Variants in SUZ12 observed in about 807,000 individuals in gnomAD.
The protein encoded by SUZ12 is SUZ12 polycomb repressive complex 2 subunit.
In SUZ12, 17 loss-of-function variants were observed where a neutral mutation model predicts 87.3. The ratio of observed to expected loss-of-function variants is 0.19; its 90% CI spans 0.13 to 0.29. SUZ12 has a LOEUF of 0.29. Among genes scored for constraint, SUZ12 ranks in the 10% least tolerant of loss-of-function variants. The pLI is 1.00. For missense variants in SUZ12, 526 were observed against 912.2 expected, an observed-to-expected ratio of 0.58 and a Z score of 5.45; for synonymous variants, 253 against 312.4, an observed-to-expected ratio of 0.81 and a Z score of 2.01.
intron 4 of SUZ12, among the ~76,000 whole-genome samples, chr17:31,956,618 A>G (rs1432196475): frequency 6.6e-6 from 1 of 152,208 alleles, no homozygotes; most frequent in Non-Finnish European, 1.5e-5. Context: ...CGGTCACTTC[A>G]GAACCTCGAG....
chr17:31,956,276 C>T (rs749347492), intron 4 of SUZ12, among the ~76,000 whole-genome samples: 2 of 151,832 alleles, frequency 1.3e-5, no homozygotes, highest in Non-Finnish European at 2.9e-5. Context: ...TCACTGCAAC[C>T]TCCGCCTCCT....
chr17:31,940,465 A>C lies in SUZ12; in HGVS notation c.365A>C (p.Asn122Thr). The C allele has an allele frequency of 6.3e-7, 1 of 1,585,908 alleles. No individual in the cohort carries two copies. The highest frequency in any genetic ancestry group is 1.7e-4 in the Middle Eastern group (1 of 5,936). ...HRTLTYMSHR[N>T]SRTNIKRKTF... ...ACTCTTACTTACATGTCTCATCGAA[A>C]CTCCAGAACAAACATCAAAAGGTAC... The change falls in exon 3 of 16, where the codon AAC becomes ACC. Residue 122 changes from asparagine to threonine, a missense_variant. Around this residue, in one of 9 missense-constraint regions of SUZ12, gnomAD observed 49 missense variants for 73.2 expected, o/e 0.67. Coordinates refer to ENST00000322652, the MANE Select transcript of SUZ12 (RefSeq NM_015355.4).
chr17:31,948,396 T>G (rs1171661232), intron 4 of SUZ12, among the ~76,000 whole-genome samples: 1 of 152,176 alleles, frequency 6.6e-6, no homozygotes, highest in Non-Finnish European at 1.5e-5. Flanking sequence ...TTGGGTGGTG[T>G]TTGTTCATTC....
intron 10 of SUZ12, among the ~76,000 whole-genome samples, chr17:31,989,074 A>G (rs1012523922): frequency 5.9e-5 from 9 of 151,904 alleles, no homozygotes; most frequent in African/African-American, 2.2e-4. Flanking sequence ...TCTCAAAAAA[A>G]ATAAATAAAA....
chr17:31,938,612 G>A lies in SUZ12; in HGVS notation c.274+1092G>A, dbSNP rs957702230. 3.9e-5 allele frequency among the ~76,000 whole-genome samples: 6 copies of A among 152,146 alleles called. No homozygotes were observed. In the East Asian group the frequency reaches 7.7e-4, roughly 19 times the overall value. ...CTTCAGAGAGATTCACATTATTCAC[G>A]TATTTCTTAGTATACTTTGAAATAT... On this transcript the variant is annotated intron_variant, in intron 1 of 15. Transcript: ENST00000322652.
At chr17:31,985,060 G>A (rs1909329898) in intron 9 of SUZ12, among the ~76,000 whole-genome samples, 1 of 151,312 alleles carries the variant, frequency 6.6e-6, no homozygotes, top group Admixed American at 6.6e-5. Flanking sequence ...GTACTTGGGA[G>A]GTTTAGGAGT....
chr17:31,938,532 A>G (rs1202749342), intron 1 of SUZ12, among the ~76,000 whole-genome samples: 4 of 152,174 alleles, frequency 2.6e-5, no homozygotes, highest in Non-Finnish European at 1.5e-5. Flanking sequence ...ATGAAATTCT[A>G]ATTGGAACTT....
chr17:31,951,552 A>G (rs62062422), intron 4 of SUZ12, among the ~76,000 whole-genome samples: 2 of 142,230 alleles, frequency 1.4e-5, no homozygotes, highest in Admixed American at 1.5e-4. Context: ...GCGCCATCTC[A>G]GCTCACTGCA....
chr17:31,942,196 ATTTACTAAAGG>A (rs1055738854), intron 3 of SUZ12, among the ~76,000 whole-genome samples: 1 of 151,844 alleles, frequency 6.6e-6, no homozygotes, highest in African/African-American at 2.4e-5. Context: ...GGATTTAAAT[ATTTACTAAAGG>A]GCTCAGGGTA....
chr17:31,981,997 A>T (rs560718246), intron 8 of SUZ12, among the ~76,000 whole-genome samples: 8 of 152,332 alleles, frequency 5.3e-5, no homozygotes, highest in Middle Eastern at 3.4e-3. Flanking sequence ...TTCTTGATAT[A>T]TACAGTTAAT....
rs142041497 is a variant in SUZ12 at position 31,958,968 on chromosome 17, A to G, written c.456-7179A>G. ...AGGAGGTGGAGGTTGCAGTGAGCAG[A>G]TATCGCACCACTGCACTCCAGCCTG... On this transcript the variant is annotated intron_variant, in intron 4 of 15. Coordinates refer to ENST00000322652, the MANE Select transcript of SUZ12 (RefSeq NM_015355.4). 5.2e-3 allele frequency among the ~76,000 whole-genome samples: 788 copies of G among 152,326 alleles called. 5 individuals are homozygous for G. The highest frequency in any genetic ancestry group is 0.018 in the African/African-American group (731 of 41,570).
At chr17:31,997,850 A>C (rs527336706) in intron 15 of SUZ12, among the ~76,000 whole-genome samples, 1 of 152,168 alleles carries the variant, frequency 6.6e-6, no homozygotes, top group Non-Finnish European at 1.5e-5. Context: ...CCATTGGTTA[A>C]TTTTTCAGAA....
chr17:31,999,945 G>T lies in SUZ12; in HGVS notation c.*942G>T. On this transcript the variant is annotated 3_prime_UTR_variant, in exon 16 of 16. Coordinates refer to ENST00000322652, the MANE Select transcript of SUZ12 (RefSeq NM_015355.4). The stretch of plus-strand genomic sequence containing the variant: ...CAGAAAACTGTTATGCCTTTTATTT[G>T]TTTGCAAGGATGTCTTTGTAATGTG... 4.3e-6 allele frequency: 1 copy of T among 232,710 alleles called. No individual in the cohort carries two copies. Among genetic ancestry groups the T allele is most frequent in the Non-Finnish European group, 8.5e-6 (1 of 117,766 alleles). The allele number at this position is 232,710 out of a possible 1,614,324, so 14.4% of individuals were successfully genotyped here. A position where few individuals can be genotyped will look rare whatever the true frequency, so the allele number is the denominator to read the frequency against.
In SUZ12 at chr17:31,999,538, T is replaced by G. The variant is rs1396696749; in HGVS notation, c.*535T>G. 4.3e-6 allele frequency: 1 copy of G among 230,934 alleles called. No individual in the cohort carries two copies. Among genetic ancestry groups the G allele is most frequent in the Non-Finnish European group, 8.6e-6 (1 of 116,702 alleles). The allele number at this position is 230,934 out of a possible 1,614,324, so 14.3% of individuals were successfully genotyped here. ...CTTTGATCCTTGTTTTTGAAATCAT[T>G]TGTCAATTCGGAATGAAAAATTATA... On this transcript the variant is annotated 3_prime_UTR_variant, in exon 16 of 16. Coordinates refer to ENST00000322652, the MANE Select transcript of SUZ12 (RefSeq NM_015355.4).
At chr17:31,980,104 A>G (rs996840625) in intron 8 of SUZ12, among the ~76,000 whole-genome samples, 6 of 151,916 alleles carry the variant, frequency 3.9e-5, no homozygotes, top group African/African-American at 7.3e-5. Context: ...CGGGAAGACT[A>G]TTTGAGCCCA....
intron 4 of SUZ12, among the ~76,000 whole-genome samples, chr17:31,964,413 G>GTT (rs544646719): frequency 7.7e-5 from 11 of 142,012 alleles, no homozygotes; most frequent in Non-Finnish European, 1.2e-4. Context: ...AACTCTGTAG[G>GTT]TTTTTTTTTT....
chr17:31,956,164 C>T (rs974734148), intron 4 of SUZ12, among the ~76,000 whole-genome samples: 230 of 152,028 alleles, frequency 1.5e-3, no homozygotes, highest in African/African-American at 5.0e-3. Flanking sequence ...CTGTCCGCCT[C>T]GGCCTCCCAA....
chr17:31,983,174 C>G, intron 9 of SUZ12, 70 bp downstream of exon 9: 1 of 1,469,216 alleles, frequency 6.8e-7, no homozygotes, highest in East Asian at 2.3e-5. Context: ...GTTTTCTTCC[C>G]CAAATGCTAA....
Position 31,999,144 on chromosome 17 carries a change from T to TG in SUZ12, c.*142dup. ...AGTAAATGATTTCAACAAGGATATTTGTATCAGGGTTCTACTTCACTTCAT... is the reference window on the plus strand; with the variant it reads ...AGTAAATGATTTCAACAAGGATATTTGGTATCAGGGTTCTACTTCACTTCAT... On this transcript the variant is annotated 3_prime_UTR_variant, in exon 16 of 16. Transcript: ENST00000322652. The TG allele has an allele frequency of 1.5e-6, 1 of 653,980 alleles. No individual in the cohort carries two copies. The highest frequency in any genetic ancestry group is 2.4e-6 in the Non-Finnish European group (1 of 412,500). 40.5% of individuals were successfully genotyped at this position (653,980 alleles called of 1,614,324 possible).
Sources: allele counts gnomAD v4.1 joint callset (sites outside exome capture counted in the v4.1 genomes callset), GRCh38; gene constraint gnomAD v4.1.1; regional missense constraint gnomAD v4.1.1; transcripts MANE v1.5; gene names NCBI Gene and HGNC (gene_info 2026-07-23, HGNC 2026-07-21).